Variants in LRBA observed in about 807,000 individuals in gnomAD.
LRBA encodes the protein lipopolysaccharide-responsive and beige-like anchor protein.
Under a neutral mutation model 330.0 loss-of-function variants are expected in LRBA, and 176 were observed. The observed-to-expected ratio is 0.53, with a 90% confidence interval of 0.47 to 0.60. LRBA has a LOEUF of 0.60. LRBA is among the 20% of genes least tolerant of loss of function. LRBA has a pLI of 0.00. For synonymous variants in LRBA, 1,230 were observed against 1,193.0 expected (o/e 1.03, Z -0.64); for missense variants, 3,259 against 3,444.8 (o/e 0.95, Z 1.35).
chr4:150,832,105 G>A (rs187193662), intron 28 of LRBA, 129 bp from the exon 29 acceptor site: 67 of 446,824 alleles, frequency 1.5e-4, no homozygotes, highest in Non-Finnish European at 2.2e-4. Flanking sequence ...CATTACCTAC[G>A]TAAATAATAA....
chr4:150,356,337 ATTGT>A (rs1161532229), intron 47 of LRBA, among the ~76,000 whole-genome samples: 1 of 152,074 alleles, frequency 6.6e-6, no homozygotes, highest in Non-Finnish European at 1.5e-5. Context: ...AGACTGACAA[ATTGT>A]TTGTGTGCAC....
At chr4:150,780,850 C>T (rs1160536476) in intron 34 of LRBA, among the ~76,000 whole-genome samples, 1 of 151,710 alleles carries the variant, frequency 6.6e-6, no homozygotes, top group African/African-American at 2.4e-5. Flanking sequence ...GATTCAAGCA[C>T]ATTACATTTA....
intron 2 of LRBA, among the ~76,000 whole-genome samples, chr4:151,009,421 C>T (rs964307349): frequency 2.6e-5 from 4 of 151,248 alleles, no homozygotes; most frequent in Admixed American, 6.6e-5. Flanking sequence ...TGGTGGCACA[C>T]GCCTGTAATC....
intron 2 of LRBA, among the ~76,000 whole-genome samples, chr4:150,945,971 T>C (rs1219616372): frequency 1.3e-5 from 2 of 152,156 alleles, no homozygotes; most frequent in African/African-American, 4.8e-5. Context: ...GGCTAATTTT[T>C]GTATTTTTAG....
chr4:150,608,202 T>C (rs1331803347), intron 37 of LRBA, among the ~76,000 whole-genome samples: 1 of 152,128 alleles, frequency 6.6e-6, no homozygotes, highest in Non-Finnish European at 1.5e-5. Context: ...CAGAGTGAGA[T>C]CCTGTCTCAA....
intron 40 of LRBA, among the ~76,000 whole-genome samples, chr4:150,559,940 C>A (rs10021553): frequency 1.7e-3 from 157 of 93,308 alleles, no homozygotes; most frequent in East Asian, 7.5e-3. Flanking sequence ...ATATATATAT[C>A]TATATAAATA....
At chr4:150,758,605 A>AT (rs1734642204) in intron 35 of LRBA, among the ~76,000 whole-genome samples, 1 of 135,970 alleles carries the variant, frequency 7.4e-6, no homozygotes, top group Non-Finnish European at 1.5e-5. Flanking sequence ...AAAGGGTCTC[A>AT]TTCTACTGCC....
intron 2 of LRBA, among the ~76,000 whole-genome samples, chr4:151,005,572 T>TTTTTTTTTGGG (rs1743963970): frequency 1.5e-5 from 2 of 134,706 alleles, no homozygotes; most frequent in African/African-American, 3.1e-5. Flanking sequence ...TTTTTTTTTT[T>TTTTTTTTTGGG]GGAGACAGAG....
chr4:150,664,140 G>C (rs116117109), intron 37 of LRBA, among the ~76,000 whole-genome samples: 2,617 of 152,242 alleles, frequency 0.017, 33 homozygotes, highest in Non-Finnish European at 0.027. Context: ...TTTAATAATG[G>C]TACTAGGAAG....
chr4:150,637,646 G>A (rs778733750), intron 37 of LRBA, among the ~76,000 whole-genome samples: 17 of 152,160 alleles, frequency 1.1e-4, no homozygotes, highest in Non-Finnish European at 2.5e-4. Flanking sequence ...CTGTGGCAAA[G>A]AACTCAGGGC....
chr4:150,410,137 T>C (rs1282744542), intron 47 of LRBA, among the ~76,000 whole-genome samples: 1 of 152,120 alleles, frequency 6.6e-6, no homozygotes, highest in East Asian at 1.9e-4. Context: ...CTTAAGAATG[T>C]CATTTCCCCA....
At chr4:150,539,193 C>T (rs1765041898) in intron 40 of LRBA, among the ~76,000 whole-genome samples, 1 of 152,106 alleles carries the variant, frequency 6.6e-6, no homozygotes, top group Admixed American at 6.5e-5. Flanking sequence ...TCAGGATGGT[C>T]TCAATCTCTT....
At chr4:150,716,074 T>C (rs1728163429) in intron 36 of LRBA, among the ~76,000 whole-genome samples, 1 of 152,058 alleles carries the variant, frequency 6.6e-6, no homozygotes, top group African/African-American at 2.4e-5. Flanking sequence ...ATTTAAGAAG[T>C]GGAACCAGTT....
rs2149489483 is a variant in LRBA at position 150,916,498 on chromosome 4, G to C, written c.797C>G (p.Ser266Cys). 18 of 1,613,722 alleles carry C rather than the reference G, an allele frequency of 1.1e-5. No homozygotes were observed. Among genetic ancestry groups the C allele is most frequent in the Non-Finnish European group, 1.4e-5 (17 of 1,179,830 alleles). Reference sequence around the variant, plus strand: ...CAAACAGCCTCCAACAAAATGAGCAGAATAGCCAAGACCTTTGCTGGTTCT... The same window carrying C: ...CAAACAGCCTCCAACAAAATGAGCACAATAGCCAAGACCTTTGCTGGTTCT... ...CFRTSKGLGY[S>C]AHFVGGCLIV... Residue 266 changes from serine (S) to cysteine (C), a missense_variant, in exon 7 of 57, where the codon TCT becomes TGT. By Grantham distance (112) the Ser-to-Cys change is moderately radical. Transcript: ENST00000651943.
chr4:150,740,120 T>C (rs1304931904), intron 35 of LRBA, among the ~76,000 whole-genome samples: 4 of 151,916 alleles, frequency 2.6e-5, no homozygotes, highest in Admixed American at 1.3e-4. Flanking sequence ...AAAGAATACA[T>C]CATAATGGAA....
intron 2 of LRBA, 42 bp from the exon 3 acceptor site, chr4:150,929,107 C>T (rs947348575): frequency 9.0e-6 from 11 of 1,228,792 alleles, no homozygotes; most frequent in African/African-American, 3.0e-5. Context: ...GCATTAGTAT[C>T]CTCAATATCA....
chr4:150,288,029 T>G (rs1382644540), intron 53 of LRBA, among the ~76,000 whole-genome samples: 1 of 151,576 alleles, frequency 6.6e-6, no homozygotes, highest in Non-Finnish European at 1.5e-5. Flanking sequence ...TCTCACTCTG[T>G]CGCCCAGGCT....
At chr4:150,650,983 A>C (rs1360845054) in intron 37 of LRBA, among the ~76,000 whole-genome samples, 2 of 152,206 alleles carry the variant, frequency 1.3e-5, no homozygotes, top group Non-Finnish European at 2.9e-5. Flanking sequence ...CAGAACACTA[A>C]GAAAATTTGT....
chr4:150,787,644 G>A (rs975603234), intron 34 of LRBA, among the ~76,000 whole-genome samples: 9 of 152,040 alleles, frequency 5.9e-5, no homozygotes, highest in Non-Finnish European at 1.0e-4. Context: ...CCCCTCAAGC[G>A]TTTATCCTTT....
Sources: allele counts gnomAD v4.1 joint callset (sites outside exome capture counted in the v4.1 genomes callset), GRCh38; gene constraint gnomAD v4.1.1; transcripts MANE v1.5; gene names NCBI Gene and HGNC (gene_info 2026-07-23, HGNC 2026-07-21).